Variants in ARHGEF10L observed in about 807,000 individuals in gnomAD.
The protein encoded by ARHGEF10L is rho guanine nucleotide exchange factor 10-like protein.
In ARHGEF10L, 69 loss-of-function variants were observed where a neutral mutation model predicts 141.2. That is an observed-to-expected ratio of 0.49 (90% CI 0.40 to 0.60). The LOEUF (loss-of-function observed/expected upper bound fraction) is 0.60. ARHGEF10L is among the 20% of genes least tolerant of loss of function. The probability of loss-of-function intolerance (pLI) is 0.00; values close to 1 mark genes in which losing one functional copy is unlikely to be tolerated. For missense variants in ARHGEF10L, 1,482 were observed against 1,734.3 expected (o/e 0.85, Z 2.58); for synonymous variants, 711 against 718.5 (o/e 0.99, Z 0.17).
rs1419866890 is a variant in ARHGEF10L at position 17,655,986 on chromosome 1, C to T, written c.2589C>T (p.Cys863=). 1.3e-6 allele frequency: 2 copies of T among 1,569,166 alleles called. No homozygotes were observed. The highest frequency in any genetic ancestry group is 8.6e-7 in the Non-Finnish European group (1 of 1,156,160). ...TCCCACTGGCAGCCCCTGTGCTCTG[C>T]ATGGAGTATATCCCGGAGCTGGAGG... is the stretch of plus-strand genomic sequence containing the variant. The part of the protein sequence containing the change: ...KSFPLAAPVL[C]MEYIPELEEE... The change falls in exon 24 of 29, where the codon TGC becomes TGT. Residue 863 remains cysteine (C), a synonymous_variant. Coordinates refer to ENST00000361221, the MANE Select transcript of ARHGEF10L (RefSeq NM_018125.4).
intron 27 of ARHGEF10L, chr1:17,689,900 A>T (rs1351689417): frequency 2.2e-6 from 1 of 454,880 alleles, no homozygotes; most frequent in Admixed American, 2.4e-5. Context: ...CTGTAGTTAG[A>T]ACAGCCACTC....
At chr1:17,543,177 CT>C (rs1444558194) in intron 1 of ARHGEF10L, among the ~76,000 whole-genome samples, 22 of 152,176 alleles carry the variant, frequency 1.4e-4, no homozygotes, top group African/African-American at 5.3e-4. Context: ...CTTACAGAGC[CT>C]CTGCCGGGTC....
chr1:17,616,278 C>A, intron 9 of ARHGEF10L, 76 bp downstream of exon 9: 1 of 1,286,858 alleles, frequency 7.8e-7, no homozygotes, highest in Non-Finnish European at 1.1e-6. Flanking sequence ...TTTTGCTTTA[C>A]ACCCCAGAGG....
chr1:17,580,682 C>T (rs1172325089), intron 2 of ARHGEF10L, 50 bp downstream of exon 2: 13 of 1,610,252 alleles, frequency 8.1e-6, no homozygotes, highest in Admixed American at 3.3e-5. Flanking sequence ...TAGAAGGGGG[C>T]CGCTGGGGGC....
chr1:17,581,086 G>A (rs1208016167), intron 2 of ARHGEF10L, among the ~76,000 whole-genome samples: 1 of 151,908 alleles, frequency 6.6e-6, no homozygotes, highest in Non-Finnish European at 1.5e-5. Context: ...AGGCCGAGGC[G>A]GGCAGATCAC....
At chr1:17,519,004 C>T in the ARHGEF10L span, among the ~76,000 whole-genome samples, 68 of 150,442 alleles carry the variant, frequency 4.5e-4, no homozygotes, top group East Asian at 0.011. Flanking sequence ...GGAGAAACCC[C>T]GTCTCTACTA....
At chr1:17,613,642 C>T (rs2059656508) in intron 8 of ARHGEF10L, among the ~76,000 whole-genome samples, 1 of 152,222 alleles carries the variant, frequency 6.6e-6, no homozygotes, top group Admixed American at 6.5e-5. Flanking sequence ...CCTATCTCTC[C>T]ACACTATTCA....
chr1:17,592,503 C>T (rs997649618), intron 4 of ARHGEF10L, among the ~76,000 whole-genome samples: 2 of 152,236 alleles, frequency 1.3e-5, no homozygotes, highest in East Asian at 1.9e-4. Context: ...CAGGGAGACT[C>T]ATCTTCCCTG....
the ARHGEF10L span, among the ~76,000 whole-genome samples, chr1:17,522,422 G>T: frequency 2.0e-5 from 3 of 152,152 alleles, no homozygotes; most frequent in South Asian, 6.2e-4. Context: ...AGAGACGTCA[G>T]GTGAGCTGCC....
In ARHGEF10L at chr1:17,638,699, G is replaced by A. The variant is rs2297916; in HGVS notation, c.2171+10G>A. The A allele has an allele frequency of 0.11, 181,841 of 1,613,506 alleles. 11,326 individuals are homozygous for A. The highest frequency in any genetic ancestry group is 0.18 in the African/African-American group (13,862 of 74,988). On this transcript the variant is annotated intron_variant, in intron 20 of 28. Transcript: ENST00000361221. The stretch of plus-strand genomic sequence containing the variant: ...CTGGGAAACCCGACAAGTGAGAGGA[G>A]GGGGTCTTGGAGGGAGGGCTGCTGC...
chr1:17,695,006 C>A, intron 27 of ARHGEF10L, 152 bp from the exon 28 acceptor site: 2 of 1,165,784 alleles, frequency 1.7e-6, no homozygotes, highest in African/African-American at 1.5e-5. Context: ...AGGTCAGCCT[C>A]CAAAGCCCCA....
chr1:17,547,575 G>A (rs1262471228), intron 1 of ARHGEF10L, among the ~76,000 whole-genome samples: 1 of 152,148 alleles, frequency 6.6e-6, no homozygotes, highest in Non-Finnish European at 1.5e-5. Context: ...GGAAATGTGG[G>A]CTTTTTATTC....
At chr1:17,570,921 C>T (rs991325570) in intron 1 of ARHGEF10L, among the ~76,000 whole-genome samples, 36 of 152,074 alleles carry the variant, frequency 2.4e-4, no homozygotes, top group Admixed American at 1.8e-3. Flanking sequence ...TGCTAGCAAG[C>T]GGGATGGGAA....
intron 4 of ARHGEF10L, among the ~76,000 whole-genome samples, chr1:17,595,443 T>C (rs986571720): frequency 1.3e-5 from 2 of 152,002 alleles, no homozygotes; most frequent in African/African-American, 4.8e-5. Context: ...TGGCCCAGCA[T>C]GTGTGTGGGG....
intron 9 of ARHGEF10L, among the ~76,000 whole-genome samples, chr1:17,616,664 G>A (rs2059825705): frequency 6.6e-6 from 1 of 152,226 alleles, no homozygotes; most frequent in East Asian, 1.9e-4. Flanking sequence ...GCCAGCTGTT[G>A]GCACAGCGCG....
At chr1:17,592,363 C>T (rs2079622861) in intron 4 of ARHGEF10L, among the ~76,000 whole-genome samples, 1 of 152,156 alleles carries the variant, frequency 6.6e-6, no homozygotes, top group Non-Finnish European at 1.5e-5. Context: ...TCATGGGCTC[C>T]CTGAAGGTAC....
chr1:17,540,253 A>G (rs972239556), intron 1 of ARHGEF10L, among the ~76,000 whole-genome samples: 5 of 151,414 alleles, frequency 3.3e-5, no homozygotes, highest in African/African-American at 1.2e-4. Flanking sequence ...GAGTCAGGAC[A>G]GTTTGGGAAC....
chr1:17,695,207 C>G lies in ARHGEF10L; in HGVS notation c.3234C>G (p.Leu1078=), dbSNP rs1342632322. Reference sequence around the variant, plus strand: ...GCCTCCTGATCTGCCAGGGTCTGCTCTGGGTGGGCACTGACCAGGGTGTCA... The same window carrying G: ...GCCTCCTGATCTGCCAGGGTCTGCTGTGGGTGGGCACTGACCAGGGTGTCA... ...VTSLLICQGL[L]WVGTDQGVIV... Residue 1078 remains leucine, a synonymous_variant, in exon 28 of 29, where the codon CTC becomes CTG. Coordinates refer to ENST00000361221, the MANE Select transcript of ARHGEF10L (RefSeq NM_018125.4). The G allele has an allele frequency of 2.5e-6, 4 of 1,612,716 alleles. No individual in the cohort carries two copies. The African/African-American group carries it at 5.3e-5, about 22-fold the overall frequency.
chr1:17,672,702 C>G (rs1296047212), intron 26 of ARHGEF10L, among the ~76,000 whole-genome samples: 1 of 152,116 alleles, frequency 6.6e-6, no homozygotes, highest in African/African-American at 2.4e-5. Flanking sequence ...CCGACAAGAA[C>G]AAGTTCACAA....
Sources: allele counts gnomAD v4.1 joint callset (sites outside exome capture counted in the v4.1 genomes callset), GRCh38; gene constraint gnomAD v4.1.1; transcripts MANE v1.5; gene names NCBI Gene and HGNC (gene_info 2026-07-23, HGNC 2026-07-21).